The following PCDH9 variants were observed in gnomAD, a reference collection of about 807,000 sequenced individuals.
PCDH9 encodes the protein protocadherin 9, also known as protocadherin-9.
A neutral mutation model predicts 70.6 loss-of-function variants in PCDH9; 24 were observed. The observed-to-expected ratio is 0.34, with a 90% CI of 0.25 to 0.48. PCDH9 has a LOEUF of 0.48. PCDH9 is among the 20% of genes least tolerant of loss of function. The pLI is 0.99. For synonymous variants in PCDH9, 562 were observed against 558.5 expected (o/e 1.01, Z -0.09); for missense variants, 1,281 against 1,503.6 (o/e 0.85, Z 2.45).
intron 2 of PCDH9, among the ~76,000 whole-genome samples, chr13:66,936,044 C>T (rs1009680314): frequency 3.9e-5 from 6 of 152,170 alleles, no homozygotes; most frequent in African/African-American, 7.2e-5. Flanking sequence ...GAGATCGCAC[C>T]ACTGCACTCC....
At chr13:66,743,788 T>C (rs943875604) in intron 3 of PCDH9, among the ~76,000 whole-genome samples, 7 of 152,110 alleles carry the variant, frequency 4.6e-5, no homozygotes, top group African/African-American at 1.7e-4. Flanking sequence ...GAAAAACAAC[T>C]AAGTTAAAAA....
At chr13:66,873,626 CT>C (rs2081739524) in intron 3 of PCDH9, among the ~76,000 whole-genome samples, 1 of 152,060 alleles carries the variant, frequency 6.6e-6, no homozygotes, top group Non-Finnish European at 1.5e-5. Context: ...TCAAGATGAT[CT>C]TTTTAATATT....
At chr13:66,986,135 T>G (rs1327179226) in intron 2 of PCDH9, among the ~76,000 whole-genome samples, 8 of 151,884 alleles carry the variant, frequency 5.3e-5, no homozygotes, top group Admixed American at 1.3e-4. Flanking sequence ...AGCAAACATG[T>G]CTTCTTCACA....
At chr13:66,821,643 T>C (rs1028047311) in intron 3 of PCDH9, among the ~76,000 whole-genome samples, 1 of 152,188 alleles carries the variant, frequency 6.6e-6, no homozygotes, top group African/African-American at 2.4e-5. Flanking sequence ...TATTAAGTCA[T>C]CCTAATTTCA....
At chr13:66,605,657 T>G (rs1207128565) in intron 4 of PCDH9, among the ~76,000 whole-genome samples, 1 of 152,202 alleles carries the variant, frequency 6.6e-6, no homozygotes, top group African/African-American at 2.4e-5. Context: ...ACTGGCACTC[T>G]GATGATTTAT....
chr13:66,760,426 T>C (rs1389440690), intron 3 of PCDH9, among the ~76,000 whole-genome samples: 1 of 152,152 alleles, frequency 6.6e-6, no homozygotes, highest in African/African-American at 2.4e-5. Context: ...CAGAAGAACA[T>C]AAACTGTGAA....
chr13:66,431,587 A>G (rs921786189), intron 4 of PCDH9, among the ~76,000 whole-genome samples: 3 of 152,056 alleles, frequency 2.0e-5, no homozygotes, highest in African/African-American at 7.2e-5. Flanking sequence ...GGATTTTACA[A>G]TATTGCTACC....
intron 3 of PCDH9, among the ~76,000 whole-genome samples, chr13:66,799,273 G>T (rs1355954618): frequency 6.6e-6 from 1 of 152,148 alleles, no homozygotes; most frequent in African/African-American, 2.4e-5. Flanking sequence ...CGGTCAAGTG[G>T]TCAGGAAGGT....
intron 3 of PCDH9, among the ~76,000 whole-genome samples, chr13:66,833,695 T>C (rs892725788): frequency 1.3e-5 from 2 of 152,200 alleles, no homozygotes; most frequent in African/African-American, 2.4e-5. Flanking sequence ...TTTCTTCCTA[T>C]AGTTTGAGTT....
chr13:66,393,624 A>T (rs986743221), intron 4 of PCDH9, among the ~76,000 whole-genome samples: 1 of 152,234 alleles, frequency 6.6e-6, no homozygotes, highest in Admixed American at 6.5e-5. Context: ...TTATTAAATA[A>T]GTTAATAACT....
At chr13:67,009,255 T>C (rs923397676) in intron 2 of PCDH9, among the ~76,000 whole-genome samples, 2 of 152,062 alleles carry the variant, frequency 1.3e-5, no homozygotes, top group African/African-American at 4.8e-5. Flanking sequence ...GGACTGTACA[T>C]TGAGAAGCGC....
intron 3 of PCDH9, among the ~76,000 whole-genome samples, chr13:66,656,061 G>A (rs1448439810): frequency 1.3e-5 from 2 of 150,978 alleles, no homozygotes; most frequent in East Asian, 3.9e-4. Context: ...ACTATCTGAA[G>A]AAGAAGGCAG....
At chr13:66,320,533 G>A (rs547825944) in intron 4 of PCDH9, among the ~76,000 whole-genome samples, 4 of 151,774 alleles carry the variant, frequency 2.6e-5, no homozygotes, top group Admixed American at 6.6e-5. Flanking sequence ...AATTGGCTTC[G>A]GTTCAAAATC....
At chr13:67,047,647 G>A (rs11148737) in intron 2 of PCDH9, among the ~76,000 whole-genome samples, 15,175 of 152,134 alleles carry the variant, frequency 0.1, 835 homozygotes, top group Non-Finnish European at 0.12. Context: ...TTAATGTAAC[G>A]CCTTTTAGTA....
intron 3 of PCDH9, among the ~76,000 whole-genome samples, chr13:66,761,401 G>A (rs1418759648): frequency 6.6e-6 from 1 of 151,986 alleles, no homozygotes; most frequent in African/African-American, 2.4e-5. Context: ...CTCTGGGTTT[G>A]GATACATCTA....
chr13:66,425,584 G>A (rs764677373), intron 4 of PCDH9, among the ~76,000 whole-genome samples: 23 of 151,124 alleles, frequency 1.5e-4, no homozygotes, highest in Non-Finnish European at 2.7e-4. Flanking sequence ...ACCTTTGACT[G>A]TGTATTTGTC....
chr13:66,673,575 C>T (rs571461602), intron 3 of PCDH9, among the ~76,000 whole-genome samples: 1 of 152,222 alleles, frequency 6.6e-6, no homozygotes, highest in African/African-American at 2.4e-5. Context: ...CAGAAGCTGG[C>T]ACATAGGCAG....
At chr13:66,578,463 A>G (rs2324917) in intron 4 of PCDH9, among the ~76,000 whole-genome samples, 63,852 of 151,786 alleles carry the variant, frequency 0.42, 13,660 homozygotes, top group Middle Eastern at 0.57. Flanking sequence ...TAGTCAGCCT[A>G]CTGTAGGTCC....
intron 4 of PCDH9, among the ~76,000 whole-genome samples, chr13:66,494,404 A>G (rs1204539283): frequency 6.6e-6 from 1 of 152,214 alleles, no homozygotes; most frequent in Non-Finnish European, 1.5e-5. Context: ...CCTGACAAAC[A>G]ATGAAATGCA....
Sources: allele counts gnomAD v4.1 joint callset (sites outside exome capture counted in the v4.1 genomes callset), GRCh38; gene constraint gnomAD v4.1.1; transcripts MANE v1.5; gene names NCBI Gene and HGNC (gene_info 2026-07-23, HGNC 2026-07-21).